CACNA1E: variants seen among roughly 807,000 people sequenced by gnomAD.
CACNA1E encodes calcium voltage-gated channel subunit alpha1 E, also known as voltage-dependent R-type calcium channel subunit alpha-1E.
Under a neutral mutation model 259.2 loss-of-function variants are expected in CACNA1E, and 40 were observed. The observed-to-expected ratio is 0.15, with a 90% confidence interval of 0.12 to 0.20. The LOEUF is 0.20. CACNA1E is among the 10% of genes least tolerant of loss of function. CACNA1E has a pLI of 1.00. For synonymous variants in CACNA1E, 1,104 were observed against 1,138.5 expected (o/e 0.97, Z 0.61); for missense variants, 1,874 against 3,040.1 (o/e 0.62, Z 9.02).
chr1:181,387,765 T>A (rs2102022358), intron 1 of CACNA1E, among the ~76,000 whole-genome samples: 1 of 152,334 alleles, frequency 6.6e-6, no homozygotes, highest in East Asian at 1.9e-4. Context: ...AATAACAGAC[T>A]TTCAAATGTA....
intron 3 of CACNA1E, among the ~76,000 whole-genome samples, chr1:181,571,219 C>A (rs1166380301): frequency 6.6e-6 from 1 of 152,190 alleles, no homozygotes; most frequent in Non-Finnish European, 1.5e-5. Context: ...AAAAGCCTGA[C>A]AGCTAGTATA....
At chr1:181,596,218 C>T (rs1653141615) in intron 6 of CACNA1E, among the ~76,000 whole-genome samples, 1 of 152,158 alleles carries the variant, frequency 6.6e-6, no homozygotes, top group Non-Finnish European at 1.5e-5. Context: ...ATCCCCTTTG[C>T]TGGGGGATCT....
At chr1:181,695,376 T>C (rs956253258) in intron 7 of CACNA1E, among the ~76,000 whole-genome samples, 1 of 152,190 alleles carries the variant, frequency 6.6e-6, no homozygotes, top group African/African-American at 2.4e-5. Flanking sequence ...AGACAGATGA[T>C]TCAAAACTTG....
intron 1 of CACNA1E, among the ~76,000 whole-genome samples, chr1:181,489,210 G>T (rs923612952): frequency 6.6e-6 from 1 of 152,172 alleles, no homozygotes; most frequent in African/African-American, 2.4e-5. Context: ...AAACCTAAAT[G>T]CAACTCTAAT....
rs473200 is a variant in CACNA1E, at chr1:181,785,667, C to A, written c.5680-46C>A. On this transcript the variant is annotated intron_variant, in intron 42 of 47. Coordinates refer to ENST00000367573, the MANE Select transcript of CACNA1E (RefSeq NM_001205293.3). ...ATTTTATTTTCCCCACAGCAAACTCCGTAGTCATTGGAATTCTTTCCTTCT... is the reference window on the plus strand; with the variant it reads ...ATTTTATTTTCCCCACAGCAAACTCAGTAGTCATTGGAATTCTTTCCTTCT... The A allele has an allele frequency of 7.6e-5, 97 of 1,282,898 alleles. 1 individual carries two copies. In the South Asian group the frequency reaches 1.1e-3, roughly 15 times the overall value. The allele number at this position is 1,282,898 out of a possible 1,614,324, so 79.5% of individuals were successfully genotyped here. A position where few individuals can be genotyped will look rare whatever the true frequency, so the allele number is the denominator to read the frequency against.
upstream of CACNA1E, among the ~76,000 whole-genome samples, chr1:181,479,769 T>C (rs1200029143): frequency 6.6e-6 from 1 of 152,068 alleles, no homozygotes; most frequent in Non-Finnish European, 1.5e-5. Flanking sequence ...GCAGCATGGG[T>C]TTTAGAAAGA....
At chr1:181,668,996 C>G (rs1242927784) in intron 7 of CACNA1E, 2 of 152,104 alleles carry the variant, frequency 1.3e-5, no homozygotes, top group Non-Finnish European at 2.9e-5. Flanking sequence ...CCACTACATT[C>G]CAGCCTGGGC....
chr1:181,708,134 G>A (rs1652976679), intron 7 of CACNA1E, among the ~76,000 whole-genome samples: 1 of 152,200 alleles, frequency 6.6e-6, no homozygotes, highest in Admixed American at 6.5e-5. Context: ...TGTAGTTGAA[G>A]TGTGGCTGTG....
chr1:181,766,836 C>T (rs1054932493), intron 35 of CACNA1E, among the ~76,000 whole-genome samples: 5 of 152,188 alleles, frequency 3.3e-5, no homozygotes, highest in African/African-American at 1.2e-4. Flanking sequence ...GGGGCTTCAT[C>T]TCAGGTTGTC....
At chr1:181,596,209 T>G (rs2103042989) in intron 6 of CACNA1E, among the ~76,000 whole-genome samples, 1 of 152,244 alleles carries the variant, frequency 6.6e-6, no homozygotes, top group Non-Finnish European at 1.5e-5. Flanking sequence ...CAGACAGAGA[T>G]CCCCTTTGCT....
chr1:181,385,464 C>G (rs566908910), intron 1 of CACNA1E, among the ~76,000 whole-genome samples: 62 of 152,242 alleles, frequency 4.1e-4, no homozygotes, highest in African/African-American at 1.4e-3. Context: ...TTTCATTTCA[C>G]TGGGTTGGGG....
chr1:181,691,302 T>A (rs1023504735), intron 7 of CACNA1E, among the ~76,000 whole-genome samples: 1 of 152,126 alleles, frequency 6.6e-6, no homozygotes, highest in African/African-American at 2.4e-5. Flanking sequence ...TTTTACTTAT[T>A]TAATTTTTTT....
intron 2 of CACNA1E, among the ~76,000 whole-genome samples, chr1:181,475,895 T>G (rs999223372): frequency 2.0e-5 from 3 of 151,938 alleles, no homozygotes; most frequent in Admixed American, 2.0e-4. Context: ...AGGAGCTAGA[T>G]GTGGTGTGGA....
At chr1:181,779,821 C>CGT (rs1558382480) in intron 38 of CACNA1E, among the ~76,000 whole-genome samples, 2 of 36,668 alleles carry the variant, frequency 5.5e-5, no homozygotes, top group African/African-American at 1.8e-4. Context: ...TGCACATGTA[C>CGT]ACACACACAC....
chr1:181,569,873 G>A (rs886204162), intron 3 of CACNA1E, among the ~76,000 whole-genome samples: 4 of 152,160 alleles, frequency 2.6e-5, no homozygotes, highest in South Asian at 2.1e-4. Context: ...ACTGAGTTAC[G>A]AGGATCTAAC....
In CACNA1E at chr1:181,346,668, T is replaced by C. The variant is rs551851774; in HGVS notation, c.-15+28545T>C. Among the ~76,000 whole-genome samples, 42 of 152,320 alleles carry C rather than the reference T, an allele frequency of 2.8e-4. 1 individual carries two copies. The highest frequency in any genetic ancestry group is 1.0e-3 in the African/African-American group (42 of 41,568). On this transcript the variant is annotated intron_variant, in intron 1 of 11. Transcript: ENST00000524607. The stretch of plus-strand genomic sequence containing the variant: ...AGTCAGCCAATCTCAGGTGTGTCAA[T>C]GTCTTTACCTTTATTACCTTTTAAC...
chr1:181,624,410 C>CT (rs1558197304), intron 6 of CACNA1E, among the ~76,000 whole-genome samples: 1 of 152,158 alleles, frequency 6.6e-6, no homozygotes, highest in South Asian at 2.1e-4. Flanking sequence ...AACAGTAGAA[C>CT]TTTTTTTGAA....
intron 4 of CACNA1E, 36 bp downstream of exon 4, chr1:181,577,905 C>T: frequency 7.2e-7 from 1 of 1,383,880 alleles, no homozygotes; most frequent in Admixed American, 1.8e-5. Context: ...CTGCTAAGAA[C>T]TTTCTTCATG....
intron 32 of CACNA1E, among the ~76,000 whole-genome samples, chr1:181,761,815 C>G (rs1658604234): frequency 6.6e-6 from 1 of 152,188 alleles, no homozygotes; most frequent in Non-Finnish European, 1.5e-5. Context: ...TCCACCCTCT[C>G]CTGTTAAATG....
Sources: allele counts gnomAD v4.1 joint callset (sites outside exome capture counted in the v4.1 genomes callset), GRCh38; gene constraint gnomAD v4.1.1; transcripts MANE v1.5; gene names NCBI Gene and HGNC (gene_info 2026-07-23, HGNC 2026-07-21).